Variants in ZNF236 observed in about 807,000 individuals in gnomAD.
ZNF236 encodes the protein zinc finger protein 236.
A neutral mutation model predicts 191.2 loss-of-function variants in ZNF236; 50 were observed. The observed-to-expected ratio is 0.26, with a 90% CI of 0.21 to 0.33. ZNF236 has a LOEUF of 0.33. Ranked by LOEUF, ZNF236 falls within the 10% of genes least tolerant of loss-of-function variation. The pLI, the probability that ZNF236 is intolerant of heterozygous loss-of-function variation, is 1.00. For missense variants in ZNF236, 1,754 were observed against 2,374.5 expected (o/e 0.74, Z 5.43); for synonymous variants, 907 against 928.8 (o/e 0.98, Z 0.43).
intron 9 of ZNF236, chr18:76,888,047 G>T (rs1977109548): frequency 7.0e-6 from 1 of 141,882 alleles, no homozygotes; most frequent in African/African-American, 2.6e-5. Context: ...CTGCTACTGA[G>T]AGAGTGTTCA....
intron 17 of ZNF236, 143 bp from the exon 18 acceptor site, chr18:76,913,604 C>A: frequency 1.3e-6 from 1 of 771,842 alleles, no homozygotes; most frequent in Non-Finnish European, 2.1e-6. Context: ...TGTTGGAGAG[C>A]ACACCTAGGT....
At chr18:76,958,881 A>C (rs955186670) in intron 28 of ZNF236, among the ~76,000 whole-genome samples, 2 of 152,268 alleles carry the variant, frequency 1.3e-5, no homozygotes, top group African/African-American at 4.8e-5. Context: ...ACAGGCGGTC[A>C]CATGGAACAC....
At chr18:76,923,711 C>A (rs905623880) in intron 21 of ZNF236, among the ~76,000 whole-genome samples, 6 of 152,120 alleles carry the variant, frequency 3.9e-5, no homozygotes, top group Non-Finnish European at 8.8e-5. Context: ...GCTTGGGAAT[C>A]CTGTAGTCCT....
At chr18:76,889,119 T>A (rs1163084633) in intron 9 of ZNF236, among the ~76,000 whole-genome samples, 1 of 152,230 alleles carries the variant, frequency 6.6e-6, no homozygotes, top group Non-Finnish European at 1.5e-5. Context: ...TTTCTGGGAC[T>A]CACCTTCACA....
At chr18:76,861,896 C>T (rs544902582) in intron 3 of ZNF236, among the ~76,000 whole-genome samples, 1 of 152,320 alleles carries the variant, frequency 6.6e-6, no homozygotes, top group African/African-American at 2.4e-5. Context: ...CAGAGTTTCG[C>T]TCTTGTCGCC....
Position 76,875,568 on chromosome 18 carries a change from G to T in ZNF236, c.744G>T (p.Lys248Asn), listed in dbSNP as rs200051983. 14 of 1,606,052 alleles carry T rather than the reference G, an allele frequency of 8.7e-6. No homozygotes were observed. The highest frequency in any genetic ancestry group is 6.8e-6 in the Non-Finnish European group (8 of 1,175,786). ...GGGCACTGCAGACCCACATGATCAA[G>T]CACACAGGTGAAAAACCCCATGCCT... ...QKGALQTHMI[K>N]HTGEKPHACA... Residue 248 changes from lysine (K) to asparagine (N), a missense_variant, in exon 6 of 31, where the codon AAG (lysine) becomes AAT (asparagine). Transcript: ENST00000320610. The surrounding 1 kb of genome is among the most constrained non-coding windows in gnomAD (Gnocchi z 4.3).
chr18:76,848,046 C>T (rs942174939), intron 1 of ZNF236, among the ~76,000 whole-genome samples: 2 of 152,174 alleles, frequency 1.3e-5, no homozygotes, highest in African/African-American at 4.8e-5. Flanking sequence ...CTTCCTCCAC[C>T]CTGTCTCTGT....
intron 27 of ZNF236, among the ~76,000 whole-genome samples, chr18:76,954,200 C>G (rs1371866333): frequency 6.6e-6 from 1 of 152,110 alleles, no homozygotes; most frequent in South Asian, 2.1e-4. Context: ...GCTTCTGATG[C>G]GATTATGCTG....
intron 9 of ZNF236, among the ~76,000 whole-genome samples, chr18:76,891,661 A>G (rs1265823245): frequency 5.3e-5 from 8 of 152,144 alleles, no homozygotes; most frequent in Non-Finnish European, 1.5e-5. Context: ...TACAGTCATG[A>G]GCCACTATGC....
At chr18:76,907,268 A>G (rs1977769274) in intron 13 of ZNF236, among the ~76,000 whole-genome samples, 1 of 152,252 alleles carries the variant, frequency 6.6e-6, no homozygotes, top group Non-Finnish European at 1.5e-5. Flanking sequence ...TTCCTAAGAC[A>G]CTGGAATAGA....
chr18:76,836,574 T>TTTATTA lies in ZNF236; in HGVS notation c.56-12940_56-12935dup, dbSNP rs577313875. ...CAAAGGTTTTATTTTCATTTATTTA[T>TTTATTA]TTATTATTATTATTATTTTTTGAGA... is the stretch of plus-strand genomic sequence containing the variant. On this transcript the variant is annotated intron_variant, in intron 1 of 30. Coordinates refer to ENST00000320610, the MANE Select transcript of ZNF236 (RefSeq NM_001306089.2). Among the ~76,000 whole-genome samples the TTTATTA allele has an allele frequency of 2.7e-3, 413 of 151,642 alleles. 1 individual carries two copies. The highest frequency in any genetic ancestry group is 0.017 in the Middle Eastern group (5 of 292).
At chr18:76,864,806 A>C (rs1348260797) in intron 3 of ZNF236, among the ~76,000 whole-genome samples, 1 of 151,936 alleles carries the variant, frequency 6.6e-6, no homozygotes, top group Non-Finnish European at 1.5e-5. Context: ...ATGCCAGTAG[A>C]TTGTGATAAG....
intron 4 of ZNF236, 58 bp downstream of exon 4, chr18:76,868,921 C>A: frequency 6.8e-7 from 1 of 1,480,380 alleles, no homozygotes; most frequent in South Asian, 1.3e-5. Flanking sequence ...AAAGCTGGCG[C>A]ACTTTGGTAC....
chr18:76,954,550 A>T (rs1427153612), intron 27 of ZNF236, among the ~76,000 whole-genome samples: 1 of 152,234 alleles, frequency 6.6e-6, no homozygotes, highest in Non-Finnish European at 1.5e-5. Context: ...CTCAACAGGC[A>T]TGTGTTTCTG....
In ZNF236 at chr18:76,830,636, TA is replaced by T. The variant is rs994315416; in HGVS notation, c.55+7985del. 1.2e-3 allele frequency among the ~76,000 whole-genome samples: 174 copies of T among 148,172 alleles called. 1 individual carries two copies. Among genetic ancestry groups the T allele is most frequent in the African/African-American group, 3.3e-3 (134 of 40,658 alleles). ...TAACACTAATGATAGCTGGTGGAGT[TA>T]AAAAAAAAAATCTCAAAAAAAGTCT... On this transcript the variant is annotated intron_variant, in intron 1 of 30. Transcript: ENST00000320610.
At chr18:76,832,872 A>T (rs970907256) in intron 1 of ZNF236, among the ~76,000 whole-genome samples, 10 of 151,832 alleles carry the variant, frequency 6.6e-5, no homozygotes, top group African/African-American at 2.2e-4. Flanking sequence ...CTCTCCTATC[A>T]TTTCTTTCCT....
intron 9 of ZNF236, among the ~76,000 whole-genome samples, chr18:76,881,873 T>G (rs1052404468): frequency 3.9e-5 from 6 of 152,208 alleles, no homozygotes; most frequent in Admixed American, 1.3e-4. Flanking sequence ...CTTCAGTTCT[T>G]CTCACCCTTG....
At position 76,966,618 on chromosome 18, in the gene ZNF236, AG is replaced by A. The variant is rs552216822; in HGVS notation, c.5420-1593del. Reference sequence around the variant, plus strand: ...CAGTTCAGGTGCTGTCTCGGTGCTCAGGGGCACAGAGCAAACAGAATCTGCA... The same window carrying A: ...CAGTTCAGGTGCTGTCTCGGTGCTCAGGGCACAGAGCAAACAGAATCTGCA... On this transcript the variant is annotated intron_variant, in intron 30 of 30. Transcript: ENST00000320610. Among the ~76,000 whole-genome samples the A allele has an allele frequency of 2.6e-4, 39 of 152,240 alleles. No individual in the cohort carries two copies. The South Asian group carries it at 7.5e-3, about 29-fold the overall frequency.
intron 1 of ZNF236, among the ~76,000 whole-genome samples, chr18:76,833,358 TA>T: frequency 6.6e-6 from 1 of 152,258 alleles, no homozygotes; most frequent in South Asian, 2.1e-4. Flanking sequence ...AGGTAGATAT[TA>T]TAAGATTACA....
Sources: allele counts gnomAD v4.1 joint callset (sites outside exome capture counted in the v4.1 genomes callset), GRCh38; gene constraint gnomAD v4.1.1; non-coding constraint Gnocchi (gnomAD v3.1); transcripts MANE v1.5; gene names NCBI Gene and HGNC (gene_info 2026-07-23, HGNC 2026-07-21).